Variants in HIKESHI observed in about 807,000 individuals in gnomAD.
HIKESHI encodes the protein heat shock protein nuclear import factor hikeshi.
In HIKESHI, 13 loss-of-function variants were observed where a neutral mutation model predicts 25.7. The ratio of observed to expected loss-of-function variants is 0.51; its 90% CI spans 0.33 to 0.80. The LOEUF (loss-of-function observed/expected upper bound fraction) is 0.80. HIKESHI is among the 30% of genes least tolerant of loss of function. HIKESHI has a pLI of 0.02. For missense variants in HIKESHI, 174 were observed against 229.5 expected, an observed-to-expected ratio of 0.76 and a Z score of 1.56; for synonymous variants, 76 against 78.7, an observed-to-expected ratio of 0.97 and a Z score of 0.18.
intron 3 of HIKESHI, among the ~76,000 whole-genome samples, chr11:86,341,487 C>T (rs1464110815): frequency 9.6e-6 from 1 of 104,270 alleles, no homozygotes; most frequent in African/African-American, 3.1e-5. Flanking sequence ...TTGGAATTCT[C>T]CTTTTTTTTT....
At chr11:86,319,242 A>ATATTTTTTTTTTTT (rs1383589741) in intron 2 of HIKESHI, among the ~76,000 whole-genome samples, 1 of 94,952 alleles carries the variant, frequency 1.1e-5, no homozygotes, top group African/African-American at 4.6e-5. Context: ...ATATATATAT[A>ATATTTTTTTTTTTT]TTTTTTTTTT....
chr11:86,337,267 G>C, intron 2 of HIKESHI, 112 bp from the exon 3 acceptor site: 1 of 964,292 alleles, frequency 1.0e-6, no homozygotes. Context: ...GACAAACTTG[G>C]ACATAAAACT....
At chr11:86,318,087 G>T (rs1947036743) in intron 2 of HIKESHI, among the ~76,000 whole-genome samples, 11 of 151,608 alleles carry the variant, frequency 7.3e-5, no homozygotes. Context: ...GGCGGATCAC[G>T]AGGTCAGGAG....
chr11:86,341,488 C>CTTTTTTTTTTTTT (rs112151717), intron 3 of HIKESHI, among the ~76,000 whole-genome samples: 1 of 142,808 alleles, frequency 7.0e-6, no homozygotes, highest in African/African-American at 2.6e-5. Context: ...TGGAATTCTC[C>CTTTTTTTTTTTTT]TTTTTTTTTT....
intron 2 of HIKESHI, among the ~76,000 whole-genome samples, chr11:86,327,400 C>G (rs967791194): frequency 2.6e-5 from 4 of 152,032 alleles, no homozygotes; most frequent in African/African-American, 9.7e-5. Flanking sequence ...CTGCCAGCTC[C>G]GCCTCCCGGG....
At chr11:86,305,112 G>A (rs1451031784) in intron 1 of HIKESHI, among the ~76,000 whole-genome samples, 1 of 151,968 alleles carries the variant, frequency 6.6e-6, no homozygotes, top group Admixed American at 6.6e-5. Context: ...TGATTATCTG[G>A]TCTTAGCCTC....
intron 2 of HIKESHI, among the ~76,000 whole-genome samples, chr11:86,306,871 G>A (rs949089492): frequency 6.6e-6 from 1 of 151,366 alleles, no homozygotes; most frequent in Non-Finnish European, 1.5e-5. Context: ...GTGGTGGTGG[G>A]CGCCTGTAGT....
intron 3 of HIKESHI, among the ~76,000 whole-genome samples, chr11:86,338,147 G>C (rs1471168966): frequency 2.0e-5 from 3 of 152,026 alleles, no homozygotes; most frequent in Admixed American, 2.0e-4. Context: ...CTGAAACTTT[G>C]TGCCCTTTGA....
chr11:86,328,060 A>G (rs1947328214), intron 2 of HIKESHI, among the ~76,000 whole-genome samples: 1 of 152,226 alleles, frequency 6.6e-6, no homozygotes, highest in Non-Finnish European at 1.5e-5. Flanking sequence ...ACAGAAAGCC[A>G]TGAAATATTA....
chr11:86,309,906 C>A (rs1946787920), intron 2 of HIKESHI, among the ~76,000 whole-genome samples: 1 of 151,938 alleles, frequency 6.6e-6, no homozygotes, highest in African/African-American at 2.4e-5. Context: ...TTTCCGAGGG[C>A]TCTATTCTGT....
chr11:86,319,242 A>ATTTTTTTTTTT lies in HIKESHI; in HGVS notation c.268+12764_268+12774dup, dbSNP rs1218981419. Among the ~76,000 whole-genome samples, 8 of 94,938 alleles carry ATTTTTTTTTTT rather than the reference A, an allele frequency of 8.4e-5. No homozygotes were observed. In the Admixed American group the frequency reaches 1.1e-3, roughly 13 times the overall value. The allele number at this position is 94,938 out of a possible 152,430, so 62.3% of individuals were successfully genotyped here. A position where few individuals can be genotyped will look rare whatever the true frequency, so the allele number is the denominator to read the frequency against. On this transcript the variant is annotated intron_variant, in intron 2 of 4. Coordinates refer to ENST00000278483, the MANE Select transcript of HIKESHI (RefSeq NM_016401.4). ...AATATATATATATATATATATATATATTTTTTTTTTTTTTGAGACCAGTCT... is the reference window on the plus strand; with the variant it reads ...AATATATATATATATATATATATATATTTTTTTTTTTTTTTTTTTTTTTTTGAGACCAGTCT...
rs7117051 is a variant in HIKESHI, at chr11:86,317,619, A to G, written c.268+11137A>G. Among the ~76,000 whole-genome samples the G allele has an allele frequency of 6.8e-3, 1,035 of 152,176 alleles. 13 individuals are homozygous for G. Among genetic ancestry groups the G allele is most frequent in the African/African-American group, 0.024 (983 of 41,536 alleles). ...GGGGAGTTCGAGACCAGCCTGGCCA[A>G]TATGGTGAAACCTTGTCTGTACTAA... On this transcript the variant is annotated intron_variant, in intron 2 of 4. Coordinates refer to ENST00000278483, the MANE Select transcript of HIKESHI (RefSeq NM_016401.4).
chr11:86,341,957 T>C (rs931301168), intron 3 of HIKESHI, among the ~76,000 whole-genome samples: 25 of 152,376 alleles, frequency 1.6e-4, no homozygotes, highest in Middle Eastern at 3.4e-3. Flanking sequence ...ATACTTTGTT[T>C]TGATTGCTTC....
chr11:86,313,001 C>T (rs929206378), intron 2 of HIKESHI, among the ~76,000 whole-genome samples: 2 of 152,146 alleles, frequency 1.3e-5, no homozygotes. Context: ...TTTTTTCCTT[C>T]ATTTCAGCTT....
intron 3 of HIKESHI, among the ~76,000 whole-genome samples, chr11:86,340,325 A>C (rs1286065177): frequency 6.6e-6 from 1 of 152,262 alleles, no homozygotes; most frequent in Non-Finnish European, 1.5e-5. Context: ...AGGAATTGCC[A>C]CACTGTCTTC....
intron 2 of HIKESHI, among the ~76,000 whole-genome samples, chr11:86,326,919 G>A (rs1161618191): frequency 3.3e-5 from 5 of 152,118 alleles, no homozygotes; most frequent in African/African-American, 1.2e-4. Flanking sequence ...AAGTGTTTGA[G>A]CAAGATCTTA....
chr11:86,334,234 A>ATGTGTG (rs1555186477), intron 2 of HIKESHI, among the ~76,000 whole-genome samples: 4 of 125,840 alleles, frequency 3.2e-5, no homozygotes, highest in African/African-American at 9.7e-5. Context: ...TCTTTGTAAA[A>ATGTGTG]TATGTGTGTG....
chr11:86,317,634 G>T (rs530195872), intron 2 of HIKESHI, among the ~76,000 whole-genome samples: 1 of 152,094 alleles, frequency 6.6e-6, no homozygotes, highest in East Asian at 1.9e-4. Context: ...GTGAAACCTT[G>T]TCTGTACTAA....
chr11:86,342,861 A>C (rs1947771392), intron 3 of HIKESHI, among the ~76,000 whole-genome samples: 2 of 152,144 alleles, frequency 1.3e-5, no homozygotes, highest in Non-Finnish European at 2.9e-5. Context: ...CAGTCATCAA[A>C]ATATGTATAG....
Sources: allele counts gnomAD v4.1 joint callset (sites outside exome capture counted in the v4.1 genomes callset), GRCh38; gene constraint gnomAD v4.1.1; transcripts MANE v1.5; gene names NCBI Gene and HGNC (gene_info 2026-07-23, HGNC 2026-07-21).